PCDH15: variants seen among roughly 807,000 people sequenced by gnomAD.
PCDH15 encodes protocadherin related 15.
In PCDH15, 129 loss-of-function variants were observed where a neutral mutation model predicts 178.5. The observed-to-expected ratio is 0.72, with a 90% CI of 0.63 to 0.84. PCDH15 has a LOEUF of 0.84. PCDH15 is among the 40% of genes least tolerant of loss of function. The pLI is 0.00. For synonymous variants in PCDH15, 800 were observed against 732.0 expected, an observed-to-expected ratio of 1.09 and a Z score of -1.50; for missense variants, 2,230 against 2,099.9, an observed-to-expected ratio of 1.06 and a Z score of -1.21.
At chr10:55,023,985 A>G (rs1840406056) in intron 2 of PCDH15, among the ~76,000 whole-genome samples, 2 of 149,002 alleles carry the variant, frequency 1.3e-5, no homozygotes, top group African/African-American at 4.9e-5. Context: ...TATATGATAT[A>G]TATCTGTCTC....
At chr10:55,400,934 C>T (rs974504847) in intron 2 of PCDH15, among the ~76,000 whole-genome samples, 5 of 151,912 alleles carry the variant, frequency 3.3e-5, no homozygotes, top group Admixed American at 3.3e-4. Flanking sequence ...TAGTGGGTGG[C>T]GTGGGAGATA....
At chr10:54,213,770 T>C (rs1435310304) in intron 10 of PCDH15, among the ~76,000 whole-genome samples, 166 bp downstream of exon 10, 2 of 152,214 alleles carry the variant, frequency 1.3e-5, no homozygotes, top group Non-Finnish European at 2.9e-5. Flanking sequence ...AGCAATGCCA[T>C]GTATTAAAAG....
intron 1 of PCDH15, among the ~76,000 whole-genome samples, chr10:54,716,526 T>A (rs2095481687): frequency 6.6e-6 from 1 of 152,084 alleles, no homozygotes. Flanking sequence ...GAAGCAATTG[T>A]GAATGGGAGT....
At chr10:54,030,187 C>T (rs899865855) in intron 18 of PCDH15, among the ~76,000 whole-genome samples, 1 of 152,008 alleles carries the variant, frequency 6.6e-6, no homozygotes, top group Admixed American at 6.6e-5. Context: ...GAGTGCTTTG[C>T]TCTACCTTTT....
At chr10:54,748,106 A>G (rs535353053) in intron 1 of PCDH15, among the ~76,000 whole-genome samples, 407 of 151,994 alleles carry the variant, frequency 2.7e-3, no homozygotes, top group Non-Finnish European at 4.1e-3. Flanking sequence ...GCGCCCGACC[A>G]CTCAATGGTT....
At chr10:55,055,738 G>A (rs2131992916) in intron 2 of PCDH15, among the ~76,000 whole-genome samples, 2 of 152,262 alleles carry the variant, frequency 1.3e-5, no homozygotes, top group South Asian at 4.1e-4. Context: ...AAACTTGGGA[G>A]GTGGAAGTTG....
intron 18 of PCDH15, among the ~76,000 whole-genome samples, chr10:54,043,924 C>T (rs1364962855): frequency 6.6e-6 from 1 of 152,152 alleles, no homozygotes; most frequent in African/African-American, 2.4e-5. Context: ...ACCTTACCAT[C>T]TTGTAAGCAA....
intron 2 of PCDH15, among the ~76,000 whole-genome samples, chr10:55,077,829 G>A (rs1841946058): frequency 1.3e-5 from 2 of 152,100 alleles, no homozygotes. Flanking sequence ...TTACAGGCGT[G>A]AGCCACCGTG....
intron 1 of PCDH15, among the ~76,000 whole-genome samples, chr10:55,274,945 C>T (rs537237251): frequency 1.3e-5 from 2 of 152,180 alleles, no homozygotes; most frequent in African/African-American, 4.8e-5. Flanking sequence ...TGTTGCTCAC[C>T]TCCTGCTGTG....
intron 2 of PCDH15, among the ~76,000 whole-genome samples, chr10:54,964,660 T>C (rs1044029702): frequency 6.6e-6 from 1 of 152,160 alleles, no homozygotes; most frequent in African/African-American, 2.4e-5. Context: ...TTAAAACATT[T>C]AGAAGACAAA....
At chr10:53,928,958 G>C (rs936888322) in intron 25 of PCDH15, among the ~76,000 whole-genome samples, 6 of 151,924 alleles carry the variant, frequency 3.9e-5, no homozygotes, top group Non-Finnish European at 7.4e-5. Flanking sequence ...TTATTCTTAG[G>C]TATAAGAAGG....
At chr10:55,307,093 C>T (rs1262924851) in intron 1 of PCDH15, among the ~76,000 whole-genome samples, 3 of 151,702 alleles carry the variant, frequency 2.0e-5, no homozygotes, top group African/African-American at 7.3e-5. Context: ...AAATATTTTT[C>T]TGCTATGTAA....
intron 2 of PCDH15, among the ~76,000 whole-genome samples, chr10:54,901,648 CACAG>C (rs1954641484): frequency 6.6e-6 from 1 of 152,082 alleles, no homozygotes; most frequent in Non-Finnish European, 1.5e-5. Flanking sequence ...CTGGCACCTA[CACAG>C]ATAGTCTCAT....
chr10:53,857,353 G>A, intron 27 of PCDH15, 90 bp from the exon 28 acceptor site: 1 of 886,108 alleles, frequency 1.1e-6, no homozygotes, highest in Non-Finnish European at 1.9e-6. Flanking sequence ...TCCCTACTAT[G>A]CATAGACACA....
intron 2 of PCDH15, among the ~76,000 whole-genome samples, chr10:54,909,588 G>A (rs1179987304): frequency 3.3e-5 from 5 of 152,110 alleles, no homozygotes; most frequent in Admixed American, 6.5e-5. Context: ...TGCGGTGACA[G>A]GGAGGCATTC....
chr10:54,569,857 A>C (rs1590175474), intron 2 of PCDH15, among the ~76,000 whole-genome samples: 8 of 152,152 alleles, frequency 5.3e-5, no homozygotes, highest in Admixed American at 3.9e-4. Context: ...ATCTTGCCGC[A>C]AGATTTCTCG....
At chr10:54,596,768 G>A (rs1001114454) in intron 2 of PCDH15, among the ~76,000 whole-genome samples, 6 of 151,978 alleles carry the variant, frequency 3.9e-5, no homozygotes, top group Non-Finnish European at 7.4e-5. Context: ...GCCATGCAAA[G>A]AGAACACAGA....
chr10:54,629,750 G>C (rs1045697677), intron 2 of PCDH15, among the ~76,000 whole-genome samples: 1 of 151,704 alleles, frequency 6.6e-6, no homozygotes, highest in Non-Finnish European at 1.5e-5. Flanking sequence ...GAGCAATCAG[G>C]CAAAAGAAAA....
intron 2 of PCDH15, among the ~76,000 whole-genome samples, chr10:55,603,095 A>G (rs1485636301): frequency 6.6e-6 from 1 of 152,206 alleles, no homozygotes; most frequent in Non-Finnish European, 1.5e-5. Context: ...AAGAATGCAG[A>G]AGCCTCAGGA....
Sources: gnomAD v4.1 joint callset for allele counts (sites outside exome capture counted in the v4.1 genomes callset) on GRCh38, gnomAD v4.1.1 for gene constraint, MANE v1.5 for transcripts, NCBI Gene and HGNC (gene_info 2026-07-23, HGNC 2026-07-21) for gene names.